PTPN4: variants seen among roughly 807,000 people sequenced by gnomAD.
PTPN4 encodes the protein tyrosine-protein phosphatase non-receptor type 4.
Under a neutral mutation model 135.5 loss-of-function variants are expected in PTPN4, and 49 were observed. The observed-to-expected ratio is 0.36, with a 90% CI of 0.29 to 0.46. The LOEUF (loss-of-function observed/expected upper bound fraction) is 0.46. Ranked by LOEUF, PTPN4 falls within the 20% of genes least tolerant of loss-of-function variation. PTPN4 has a pLI of 1.00. For synonymous variants in PTPN4, 333 were observed against 369.9 expected (o/e 0.90, Z 1.14); for missense variants, 860 against 1,101.0 (o/e 0.78, Z 3.10).
intron 1 of PTPN4, among the ~76,000 whole-genome samples, chr2:119,784,356 T>C (rs1187383817): frequency 1.4e-5 from 2 of 147,034 alleles, no homozygotes; most frequent in Non-Finnish European, 3.0e-5. Context: ...TAGCTGGGGC[T>C]ACAGGTGCAC....
chr2:119,882,891 A>T (rs1407735751), intron 8 of PTPN4, among the ~76,000 whole-genome samples: 1 of 152,196 alleles, frequency 6.6e-6, no homozygotes, highest in Non-Finnish European at 1.5e-5. Flanking sequence ...ATAATTTTAG[A>T]ATATAAACAG....
intron 3 of PTPN4, among the ~76,000 whole-genome samples, chr2:119,873,564 C>G (rs541412954): frequency 1.3e-5 from 2 of 152,016 alleles, no homozygotes; most frequent in Admixed American, 1.3e-4. Context: ...ATCAGGTAAC[C>G]GATTAGCAAT....
In PTPN4 at chr2:119,984,885, C is replaced by G. The variant is rs181164132; in HGVS notation, c.*7815C>G. On this transcript the variant is annotated 3_prime_UTR_variant, in exon 27 of 27. Transcript: ENST00000263708. ...TGTTCAATTGCAAAATAAAGATGTG[C>G]TTTAGTAATCTAAAGTACAGAAGTT... is the stretch of plus-strand genomic sequence containing the variant. Among the ~76,000 whole-genome samples the G allele has an allele frequency of 6.6e-6, 1 of 152,130 alleles. No homozygotes were observed. The highest frequency in any genetic ancestry group is 6.5e-5 in the Admixed American group (1 of 15,276).
chr2:119,780,321 G>C (rs1030540164), intron 1 of PTPN4, among the ~76,000 whole-genome samples: 1 of 152,110 alleles, frequency 6.6e-6, no homozygotes, highest in Admixed American at 6.5e-5. Flanking sequence ...TATGTAGCAT[G>C]ATCACACTCA....
chr2:119,881,287 G>A (rs1438819208), intron 5 of PTPN4, among the ~76,000 whole-genome samples: 1 of 152,244 alleles, frequency 6.6e-6, no homozygotes, highest in African/African-American at 2.4e-5. Flanking sequence ...ACATGGAAGT[G>A]TATAGGTGCT....
At chr2:119,856,364 G>A (rs544677255) in intron 2 of PTPN4, among the ~76,000 whole-genome samples, 34 of 152,280 alleles carry the variant, frequency 2.2e-4, no homozygotes, top group African/African-American at 7.9e-4. Flanking sequence ...GCTATTACCC[G>A]ATCAACTTTT....
intron 2 of PTPN4, among the ~76,000 whole-genome samples, chr2:119,810,558 C>T (rs1443997543): frequency 6.6e-6 from 1 of 152,050 alleles, no homozygotes; most frequent in Non-Finnish European, 1.5e-5. Context: ...GTTTACTTAT[C>T]CTTTCATTTA....
intron 12 of PTPN4, among the ~76,000 whole-genome samples, chr2:119,925,740 C>G (rs191780774): frequency 2.0e-5 from 3 of 152,258 alleles, no homozygotes; most frequent in Non-Finnish European, 2.9e-5. Context: ...ACTCTTTTGA[C>G]TGACAGATGG....
In PTPN4 at chr2:119,766,454, G is replaced by GCA. The variant is rs1558718896; in HGVS notation, c.-18+6070_-18+6071insCA. ...GGTGTATGCGCATGTGCGCGCGTGT[G>GCA]TGTGTGTGTGTGTGTGTGTGTGTGT... On this transcript the variant is annotated intron_variant, in intron 1 of 26. Transcript: ENST00000263708. Among the ~76,000 whole-genome samples the GCA allele has an allele frequency of 6.6e-3, 457 of 69,296 alleles. 2 individuals carry two copies. The highest frequency in any genetic ancestry group is 0.019 in the African/African-American group (429 of 22,790). The allele number at this position is 69,296 out of a possible 152,430, so 45.5% of individuals were successfully genotyped here.
chr2:119,957,171 A>G, intron 22 of PTPN4, 94 bp downstream of exon 22: 1 of 1,148,764 alleles, frequency 8.7e-7, no homozygotes, highest in South Asian at 1.5e-5. Flanking sequence ...ACCTGGATAG[A>G]ATATTAAAAC....
At chr2:119,789,060 T>TCCTTG (rs1195003697) in intron 1 of PTPN4, among the ~76,000 whole-genome samples, 2 of 152,138 alleles carry the variant, frequency 1.3e-5, no homozygotes, top group Admixed American at 6.5e-5. Flanking sequence ...TTTCTCCTTA[T>TCCTTG]CCTTGCCAAC....
rs369381950 is a variant in PTPN4, at chr2:119,862,114, A to G, written c.139-422A>G. 9.2e-5 allele frequency among the ~76,000 whole-genome samples: 14 copies of G among 152,350 alleles called. 1 individual carries two copies. The South Asian group carries it at 2.7e-3, about 29-fold the overall frequency. ...ATATGCATGAGTTAATGTGGCAATAATATAAACTAAAAAAATATCGTGATA... is the reference window on the plus strand; with the variant it reads ...ATATGCATGAGTTAATGTGGCAATAGTATAAACTAAAAAAATATCGTGATA... On this transcript the variant is annotated intron_variant, in intron 2 of 26. Coordinates refer to ENST00000263708, the MANE Select transcript of PTPN4 (RefSeq NM_002830.4).
intron 1 of PTPN4, among the ~76,000 whole-genome samples, chr2:119,780,350 C>G (rs1329480405): frequency 6.6e-6 from 1 of 152,140 alleles, no homozygotes; most frequent in South Asian, 2.1e-4. Flanking sequence ...AGCATTGACA[C>G]AATAATATTA....
At chr2:119,764,668 C>G (rs1690573807) in intron 1 of PTPN4, among the ~76,000 whole-genome samples, 1 of 150,484 alleles carries the variant, frequency 6.6e-6, no homozygotes, top group Admixed American at 6.6e-5. Context: ...TTTTATGTTA[C>G]CTACTCTGTT....
At chr2:119,871,357 G>C (rs1677907065) in intron 3 of PTPN4, among the ~76,000 whole-genome samples, 1 of 151,910 alleles carries the variant, frequency 6.6e-6, no homozygotes, top group African/African-American at 2.4e-5. Context: ...TTTTTAATAG[G>C]AAATAGTAAT....
intron 9 of PTPN4, among the ~76,000 whole-genome samples, chr2:119,891,631 G>A (rs1337671959): frequency 6.6e-6 from 1 of 151,932 alleles, no homozygotes; most frequent in Admixed American, 6.5e-5. Context: ...TTTTTATTAG[G>A]TTCTTTAAAA....
chr2:119,840,823 A>G (rs966730106), intron 2 of PTPN4, among the ~76,000 whole-genome samples: 2 of 152,024 alleles, frequency 1.3e-5, no homozygotes, highest in African/African-American at 4.8e-5. Flanking sequence ...TTTGATTTGC[A>G]TTTTTCTAAT....
chr2:119,785,757 TGA>T (rs923147404), intron 1 of PTPN4, among the ~76,000 whole-genome samples: 2 of 152,038 alleles, frequency 1.3e-5, no homozygotes, highest in Non-Finnish European at 2.9e-5. Flanking sequence ...TCTACGTGTG[TGA>T]GAGAATGAGT....
intron 10 of PTPN4, among the ~76,000 whole-genome samples, chr2:119,905,047 A>C (rs563462159): frequency 1.4e-4 from 19 of 134,180 alleles, no homozygotes; most frequent in African/African-American, 4.0e-4. Context: ...AAAAAAAAAA[A>C]AACAAATAAT....
Sources: allele counts gnomAD v4.1 joint callset (sites outside exome capture counted in the v4.1 genomes callset), GRCh38; gene constraint gnomAD v4.1.1; transcripts MANE v1.5; gene names NCBI Gene and HGNC (gene_info 2026-07-23, HGNC 2026-07-21).